The following LSM2 variants were observed in gnomAD, a reference collection of about 807,000 sequenced individuals.
LSM2 encodes U6 snRNA-associated Sm-like protein LSm2.
A neutral mutation model predicts 17.0 loss-of-function variants in LSM2; 12 were observed. That is an observed-to-expected ratio of 0.70 (90% CI 0.45 to 1.14). The LOEUF (loss-of-function observed/expected upper bound fraction) is 1.14. Ranked by LOEUF, LSM2 falls within the 50% of genes most tolerant of loss-of-function variation. LSM2 has a pLI of 0.00. For missense variants in LSM2, 62 were observed against 111.8 expected, an observed-to-expected ratio of 0.55 and a Z score of 2.01; for synonymous variants, 42 against 44.5, an observed-to-expected ratio of 0.94 and a Z score of 0.22.
chr6:31,805,388 C>T (rs947463248), intron 2 of LSM2, among the ~76,000 whole-genome samples: 1 of 139,072 alleles, frequency 7.2e-6, no homozygotes, highest in Non-Finnish European at 1.5e-5. Flanking sequence ...TTTTTTGAGA[C>T]AGAATCTCAC....
Position 31,806,817 on chromosome 6 carries a change from T to A in LSM2, c.-60A>T. 1 of 1,561,770 alleles carries A rather than the reference T, an allele frequency of 6.4e-7. No individual in the cohort carries two copies. The highest frequency in any genetic ancestry group is 1.8e-4 in the Middle Eastern group (1 of 5,708). On this transcript the variant is annotated 5_prime_UTR_variant, in exon 1 of 5. Transcript: ENST00000375661. Reference sequence around the variant, plus strand: ...AAGACAGCAGGGTGCTGCGAGCAGGTCTGGGGAAACCGAAGCGCGAGCCCG... The same window carrying A: ...AAGACAGCAGGGTGCTGCGAGCAGGACTGGGGAAACCGAAGCGCGAGCCCG...
At chr6:31,799,577 CG>C (rs1220236874) in intron 2 of LSM2, among the ~76,000 whole-genome samples, 2 of 151,130 alleles carry the variant, frequency 1.3e-5, no homozygotes, top group African/African-American at 4.9e-5. Flanking sequence ...AGGATGGTCT[CG>C]ATCTCCTGAC....
At position 31,797,518 on chromosome 6, in the gene LSM2, C is replaced by G; in HGVS notation, c.*239G>C. Reference sequence around the variant, plus strand: ...ATCTCCAGAGAAGTAGTGAGAAAGGCAGGTGCTGGGGACTGGGAAGGCTTT... The same window carrying G: ...ATCTCCAGAGAAGTAGTGAGAAAGGGAGGTGCTGGGGACTGGGAAGGCTTT... On this transcript the variant is annotated 3_prime_UTR_variant, in exon 5 of 5. Coordinates refer to ENST00000375661, the MANE Select transcript of LSM2 (RefSeq NM_021177.5). 1.9e-6 allele frequency: 1 copy of G among 530,414 alleles called. No individual in the cohort carries two copies. The highest frequency in any genetic ancestry group is 1.9e-5 in the African/African-American group (1 of 52,680). The allele number at this position is 530,414 out of a possible 1,614,324, so 32.9% of individuals were successfully genotyped here. A position where few individuals can be genotyped will look rare whatever the true frequency, so the allele number is the denominator to read the frequency against.
chr6:31,806,516 T>C (rs1167922840), intron 1 of LSM2: 8 of 645,988 alleles, frequency 1.2e-5, no homozygotes, highest in Non-Finnish European at 2.2e-5. Flanking sequence ...GGTCTAACTT[T>C]TCCGTCTCCC....
intron 3 of LSM2, 137 bp downstream of exon 3, chr6:31,798,340 G>A (rs1466329381): frequency 9.9e-7 from 1 of 1,014,924 alleles, no homozygotes; most frequent in Non-Finnish European, 1.5e-6. Context: ...TCAAAGTGCT[G>A]GGATTACAGG....
intron 1 of LSM2, 135 bp downstream of exon 1, chr6:31,806,620 G>T: frequency 8.3e-7 from 1 of 1,210,156 alleles, no homozygotes; most frequent in South Asian, 1.3e-5. Context: ...CAATGAACCT[G>T]AGAAACAGTA....
At chr6:31,799,298 G>A (rs1307337912) in intron 2 of LSM2, among the ~76,000 whole-genome samples, 3 of 152,000 alleles carry the variant, frequency 2.0e-5, no homozygotes, top group South Asian at 2.1e-4. Context: ...GTGAAATGGC[G>A]TGATCATGGC....
intron 2 of LSM2, among the ~76,000 whole-genome samples, chr6:31,804,369 A>T (rs2151450803): frequency 6.6e-6 from 1 of 152,168 alleles, no homozygotes; most frequent in Middle Eastern, 3.4e-3. Flanking sequence ...CAAAAAAAAA[A>T]AAAAAGAAAG....
chr6:31,806,347 T>TA (rs2151454150), intron 1 of LSM2: 1 of 613,178 alleles, frequency 1.6e-6, no homozygotes, highest in Non-Finnish European at 2.9e-6. Flanking sequence ...GCCCATCACT[T>TA]AAAGTCCCAG....
intron 2 of LSM2, among the ~76,000 whole-genome samples, chr6:31,801,570 G>A (rs898414149): frequency 2.6e-5 from 4 of 152,156 alleles, no homozygotes; most frequent in African/African-American, 4.8e-5. Flanking sequence ...TGAGGCAGGA[G>A]GATCACTTGA....
At chr6:31,805,772 G>A (rs531650183) in intron 2 of LSM2, among the ~76,000 whole-genome samples, 1 of 152,278 alleles carries the variant, frequency 6.6e-6, no homozygotes, top group African/African-American at 2.4e-5. Flanking sequence ...TAAGGCACAA[G>A]GCATTTATTT....
chr6:31,799,451 G>C (rs1814571930), intron 2 of LSM2, among the ~76,000 whole-genome samples: 1 of 152,076 alleles, frequency 6.6e-6, no homozygotes, highest in Non-Finnish European at 1.5e-5. Context: ...CCATCTCCCA[G>C]GTTCACGCCA....
rs1814531655 is a variant in LSM2 at position 31,798,730 on chromosome 6, ATTCTTTTTTTT to A, written c.72-234_72-224del. 2.5e-5 allele frequency among the ~76,000 whole-genome samples: 3 copies of A among 118,808 alleles called. No homozygotes were observed. The South Asian group carries it at 7.7e-4, about 31-fold the overall frequency. The allele number at this position is 118,808 out of a possible 152,430, so 77.9% of individuals were successfully genotyped here. On this transcript the variant is annotated intron_variant, in intron 2 of 4. Transcript: ENST00000375661. ...ACATCTCCTCTCCCTAAACCAATCC[ATTCTTTTTTTT>A]TTTTTTTTTTTTTTTGAGATGGAGT...
chr6:31,799,107 G>A (rs1242807656), intron 2 of LSM2, among the ~76,000 whole-genome samples: 1 of 152,116 alleles, frequency 6.6e-6, no homozygotes, highest in Non-Finnish European at 1.5e-5. Flanking sequence ...TATAGTATTT[G>A]TAATCTTTAC....
intron 2 of LSM2, among the ~76,000 whole-genome samples, chr6:31,805,060 C>G (rs994196754): frequency 6.6e-6 from 1 of 151,552 alleles, no homozygotes; most frequent in Non-Finnish European, 1.5e-5. Flanking sequence ...GCCACCGCGC[C>G]CGGCCTGGCC....
In LSM2 at chr6:31,806,945, A is replaced by G. The variant is rs1020994974; in HGVS notation, c.-188T>C. The G allele has an allele frequency of 4.4e-5, 30 of 688,988 alleles. No homozygotes were observed. The African/African-American group carries it at 4.8e-4, about 11-fold the overall frequency. 42.7% of individuals were successfully genotyped at this position (688,988 alleles called of 1,614,324 possible). A position where few individuals can be genotyped will look rare whatever the true frequency, so the allele number is the denominator to read the frequency against. On this transcript the variant is annotated 5_prime_UTR_variant, in exon 1 of 5. Coordinates refer to ENST00000375661, the MANE Select transcript of LSM2 (RefSeq NM_021177.5). ...GGCCGACTTGCGGCTGGGGAGCGCA[A>G]GCTGGGTAGAGTAGAGGGGAGGAGG... is the stretch of plus-strand genomic sequence containing the variant.
At chr6:31,806,588 C>T (rs1437377268) in intron 1 of LSM2, 167 bp downstream of exon 1, 2 of 917,574 alleles carry the variant, frequency 2.2e-6, no homozygotes, top group Non-Finnish European at 3.4e-6. Flanking sequence ...AAAAAATATC[C>T]CATTTGTTCT....
chr6:31,799,755 G>GATAAAGGT (rs1344035882), intron 2 of LSM2, among the ~76,000 whole-genome samples: 1 of 151,822 alleles, frequency 6.6e-6, no homozygotes, highest in Non-Finnish European at 1.5e-5. Context: ...CCCATATGTG[G>GATAAAGGT]ATAAAGGTAG....
At chr6:31,801,444 G>A (rs1009578656) in intron 2 of LSM2, among the ~76,000 whole-genome samples, 2 of 152,122 alleles carry the variant, frequency 1.3e-5, no homozygotes, top group Non-Finnish European at 2.9e-5. Context: ...ATTTTATTAA[G>A]TCCCTTAAGG....
Sources: gnomAD v4.1 joint callset for allele counts (sites outside exome capture counted in the v4.1 genomes callset) on GRCh38, gnomAD v4.1.1 for gene constraint, MANE v1.5 for transcripts, NCBI Gene and HGNC (gene_info 2026-07-23, HGNC 2026-07-21) for gene names.